Variants in TFIP11 observed in about 807,000 individuals in gnomAD.
TFIP11 encodes tuftelin-interacting protein 11.
TFIP11 carries 86 observed loss-of-function variants against 96.8 expected under a neutral mutation model. The observed-to-expected ratio is 0.89, with a 90% CI of 0.75 to 1.06. TFIP11 has a LOEUF of 1.06. Ranked by LOEUF, TFIP11 falls within the 50% of genes least tolerant of loss-of-function variation. TFIP11 has a pLI of 0.00. For missense variants in TFIP11, 881 were observed against 1,076.7 expected (o/e 0.82, Z 2.54); for synonymous variants, 405 against 395.2 (o/e 1.02, Z -0.29).
chr22:26,500,036 C>A (rs1011706135), intron 8 of TFIP11, among the ~76,000 whole-genome samples: 8 of 152,108 alleles, frequency 5.3e-5, no homozygotes, highest in African/African-American at 1.7e-4. Context: ...AGAAAAAGAT[C>A]TAGGATGTAT....
intron 1 of TFIP11, 67 bp downstream of exon 1, chr22:26,512,327 C>T (rs1242922295): frequency 1.3e-5 from 2 of 152,286 alleles, no homozygotes; most frequent in Non-Finnish European, 2.9e-5. Flanking sequence ...GACCGAAGCT[C>T]GCCTTCCCTG....
intron 2 of TFIP11, chr22:26,511,775 T>G (rs1924090177): frequency 1.3e-5 from 2 of 152,218 alleles, no homozygotes; most frequent in Admixed American, 1.3e-4. Flanking sequence ...TATCTCTGCC[T>G]TCTTCTACTC....
chr22:26,507,117 C>T (rs79405307), intron 4 of TFIP11, among the ~76,000 whole-genome samples, 189 bp from the exon 5 acceptor site: 8 of 152,290 alleles, frequency 5.3e-5, no homozygotes, highest in African/African-American at 1.7e-4. Flanking sequence ...CCTGTAGTCA[C>T]ATTTAACATT....
chr22:26,495,292 T>G (rs1469914753), intron 12 of TFIP11, among the ~76,000 whole-genome samples: 1 of 121,846 alleles, frequency 8.2e-6, no homozygotes, highest in Non-Finnish European at 1.7e-5. Context: ...TTTTTTTTTT[T>G]TTTGTTGAGA....
Position 26,501,981 on chromosome 22 carries a change from G to A in TFIP11, c.720C>T (p.Tyr240=), listed in dbSNP as rs781437423. ...SGSKKKPKYS[Y]KTVEELKAKG... is the part of the protein sequence containing the mutation. ...TGGCCTTCAACTCTTCCACGGTCTT[G>A]TAAGAGTATTTGGGCTTCTTCTTGC... The change falls in exon 8 of 15, where the codon TAC becomes TAT. Residue 240 remains tyrosine, a synonymous_variant. Coordinates refer to ENST00000407690, the MANE Select transcript of TFIP11 (RefSeq NM_012143.4). The A allele has an allele frequency of 3.1e-6, 5 of 1,613,822 alleles. No homozygotes were observed. The East Asian group carries it at 6.7e-5, about 22-fold the overall frequency.
At chr22:26,497,603 C>T (rs1251737032) in intron 10 of TFIP11, among the ~76,000 whole-genome samples, 1 of 152,218 alleles carries the variant, frequency 6.6e-6, no homozygotes, top group African/African-American at 2.4e-5. Context: ...CATGGCTGGG[C>T]ACGGAGGCTC....
intron 7 of TFIP11, among the ~76,000 whole-genome samples, chr22:26,502,495 C>T (rs1445158352): frequency 3.3e-5 from 5 of 152,192 alleles, no homozygotes; most frequent in African/African-American, 1.2e-4. Flanking sequence ...CTCTTACAAT[C>T]AGGGTCTGCA....
intron 7 of TFIP11, 147 bp downstream of exon 7, chr22:26,503,519 T>A (rs1017542101): frequency 1.0e-6 from 1 of 987,694 alleles, no homozygotes; most frequent in Non-Finnish European, 1.5e-6. Flanking sequence ...AGCCCTCTCA[T>A]CATGGTGCAC....
intron 4 of TFIP11, among the ~76,000 whole-genome samples, chr22:26,507,429 G>A (rs1912656460): frequency 6.6e-6 from 1 of 151,834 alleles, no homozygotes; most frequent in African/African-American, 2.4e-5. Flanking sequence ...AAAATTTCCA[G>A]CCAGGGCAAC....
chr22:26,511,510 G>T (rs927102424), intron 2 of TFIP11, among the ~76,000 whole-genome samples: 1 of 152,198 alleles, frequency 6.6e-6, no homozygotes, highest in Non-Finnish European at 1.5e-5. Flanking sequence ...TGGGACTAGG[G>T]AGTAAACTTA....
At chr22:26,494,386 G>T in intron 13 of TFIP11, 82 bp from the exon 14 acceptor site, 1 of 1,529,490 alleles carries the variant, frequency 6.5e-7, no homozygotes, top group Non-Finnish European at 9.0e-7. Context: ...GTTTTGTTTT[G>T]ATCCTGGTCC....
intron 8 of TFIP11, among the ~76,000 whole-genome samples, chr22:26,500,310 C>A (rs1243086501): frequency 2.0e-5 from 3 of 152,094 alleles, no homozygotes; most frequent in Non-Finnish European, 4.4e-5. Context: ...GCTGGGACTA[C>A]AGGCGCCCGT....
chr22:26,494,063 T>A (rs1158966999), intron 14 of TFIP11, 76 bp downstream of exon 14: 5 of 1,553,814 alleles, frequency 3.2e-6, no homozygotes, highest in Non-Finnish European at 4.4e-6. Context: ...ACCAGAAAAC[T>A]CTGATTCTGT....
intron 7 of TFIP11, among the ~76,000 whole-genome samples, chr22:26,502,614 C>T (rs1013721696): frequency 4.6e-5 from 7 of 152,114 alleles, no homozygotes; most frequent in East Asian, 1.9e-4. Context: ...CTTAGTGTGA[C>T]GGTAGTAAAG....
At chr22:26,502,136 T>A in intron 7 of TFIP11, 84 bp from the exon 8 acceptor site, 1 of 1,529,790 alleles carries the variant, frequency 6.5e-7, no homozygotes, top group Non-Finnish European at 9.0e-7. Context: ...TTAGCAGATG[T>A]CACCATTCAC....
At chr22:26,495,364 G>C (rs1921815634) in intron 12 of TFIP11, among the ~76,000 whole-genome samples, 1 of 129,824 alleles carries the variant, frequency 7.7e-6, no homozygotes, top group Non-Finnish European at 1.6e-5. Flanking sequence ...TGCAACCTCT[G>C]CCTCCGAGGT....
Position 26,499,427 on chromosome 22 carries a change from T to C in TFIP11, c.1006A>G (p.Ile336Val), listed in dbSNP as rs1922487648. 2 of 1,614,220 alleles carry C rather than the reference T, an allele frequency of 1.2e-6. No individual in the cohort carries two copies. Among genetic ancestry groups the C allele is most frequent in the South Asian group, 1.1e-5 (1 of 91,088 alleles). Residue 336 changes from isoleucine (I) to valine (V), a missense_variant, in exon 9 of 15, where the codon ATC becomes GTC. Transcript: ENST00000407690. Reference protein sequence around the residue: ...LLIDLTEQEIIQNDRQLQYER... With the variant: ...LLIDLTEQEIVQNDRQLQYER... ...TACTGTAGCTGCCGGTCATTCTGGA[T>C]GATCTCCTGCTCCGTGAGGTCGATG...
intron 11 of TFIP11, 139 bp from the exon 12 acceptor site, chr22:26,496,455 C>T (rs1602201796): frequency 2.5e-6 from 3 of 1,181,604 alleles, no homozygotes; most frequent in Non-Finnish European, 3.5e-6. Context: ...CATTGCCAAA[C>T]AAATATGCCC....
Position 26,510,114 on chromosome 22 carries a change from C to T in TFIP11, c.159G>A (p.Val53=), listed in dbSNP as rs1382784562. Residue 53 remains valine, a synonymous_variant, in exon 4 of 15, where the codon GTG becomes GTA. Coordinates refer to ENST00000407690, the MANE Select transcript of TFIP11 (RefSeq NM_012143.4). Reference sequence around the variant, plus strand: ...CATCATCCGAGTCTCGCTCTGCCCACACCCCGTAGGTGGCTTCTTCCTTGG... The same window carrying T: ...CATCATCCGAGTCTCGCTCTGCCCATACCCCGTAGGTGGCTTCTTCCTTGG... ...WQTKEEATYG[V]WAERDSDDER... 1.9e-6 allele frequency: 3 copies of T among 1,614,154 alleles called. No individual in the cohort carries two copies. The highest frequency in any genetic ancestry group is 4.5e-5 in the East Asian group (2 of 44,884).
Sources: allele counts gnomAD v4.1 joint callset (sites outside exome capture counted in the v4.1 genomes callset), GRCh38; gene constraint gnomAD v4.1.1; transcripts MANE v1.5; gene names NCBI Gene and HGNC (gene_info 2026-07-23, HGNC 2026-07-21).